The following GLIS3 variants were observed in gnomAD, a reference collection of about 807,000 sequenced individuals.
GLIS3 encodes the protein zinc finger protein GLIS3.
A neutral mutation model predicts 78.6 loss-of-function variants in GLIS3; 53 were observed. That is an observed-to-expected ratio of 0.67 (90% CI 0.54 to 0.85). The LOEUF (loss-of-function observed/expected upper bound fraction) is 0.85. Among genes scored for constraint, GLIS3 ranks in the 40% least tolerant of loss-of-function variants. The probability of loss-of-function intolerance (pLI) is 0.00; values close to 1 mark genes in which losing one functional copy is unlikely to be tolerated. For missense variants in GLIS3, 1,703 were observed against 1,231.1 expected (o/e 1.38, Z -5.74); for synonymous variants, 684 against 509.9 (o/e 1.34, Z -4.60).
chr9:4,216,509 A>AAAAGT (rs1238720158), intron 2 of GLIS3, among the ~76,000 whole-genome samples: 1 of 149,430 alleles, frequency 6.7e-6, no homozygotes, highest in East Asian at 1.9e-4. Flanking sequence ...AAAAGAAAAG[A>AAAAGT]AAAAGAAAAA....
chr9:4,369,628 C>T, the GLIS3 span, among the ~76,000 whole-genome samples: 2 of 152,058 alleles, frequency 1.3e-5, no homozygotes, highest in Non-Finnish European at 2.9e-5. Flanking sequence ...AGCAGTTATC[C>T]CTCTTAGCCC....
intron 2 of GLIS3, chr9:4,144,689 G>A (rs1008118793): frequency 6.6e-6 from 1 of 152,060 alleles, no homozygotes; most frequent in African/African-American, 2.4e-5. Flanking sequence ...CATGAGTAGG[G>A]GCAAGAAACC....
At chr9:4,391,542 C>G in the GLIS3 span, among the ~76,000 whole-genome samples, 2 of 144,220 alleles carry the variant, frequency 1.4e-5, no homozygotes, top group Non-Finnish European at 3.0e-5. Flanking sequence ...TTATTCCATT[C>G]TAAGAGGGGT....
intron 1 of GLIS3, among the ~76,000 whole-genome samples, chr9:4,291,692 C>A (rs1217768655): frequency 6.6e-6 from 1 of 152,070 alleles, no homozygotes; most frequent in East Asian, 1.9e-4. Context: ...ATTTAAAAAT[C>A]AGAAGCAGCA....
At chr9:4,268,558 T>C (rs1042163000) in intron 2 of GLIS3, among the ~76,000 whole-genome samples, 1 of 152,168 alleles carries the variant, frequency 6.6e-6, no homozygotes, top group Non-Finnish European at 1.5e-5. Flanking sequence ...TAGACCTAAG[T>C]AGTCCCATCA....
intron 4 of GLIS3, among the ~76,000 whole-genome samples, chr9:3,979,329 T>A (rs1819047517): frequency 6.6e-6 from 1 of 152,200 alleles, no homozygotes; most frequent in African/African-American, 2.4e-5. Context: ...ACTGTTCTGG[T>A]CAACCTTCAG....
intron 2 of GLIS3, among the ~76,000 whole-genome samples, chr9:4,270,821 C>T (rs1053038693): frequency 6.6e-6 from 1 of 152,110 alleles, no homozygotes; most frequent in Non-Finnish European, 1.5e-5. Flanking sequence ...GATGGTAAGA[C>T]TTCTCAGCCT....
intron 2 of GLIS3, among the ~76,000 whole-genome samples, chr9:4,314,278 C>A (rs1207766264): frequency 1.3e-5 from 2 of 152,316 alleles, no homozygotes; most frequent in Non-Finnish European, 2.9e-5. Flanking sequence ...GAATTAGAAT[C>A]AAGAACCCTT....
chr9:4,079,440 C>T (rs901860654), intron 4 of GLIS3, among the ~76,000 whole-genome samples: 1 of 152,120 alleles, frequency 6.6e-6, no homozygotes, highest in Non-Finnish European at 1.5e-5. Flanking sequence ...AAAAAGGGAG[C>T]CCACCACCTG....
intron 8 of GLIS3, among the ~76,000 whole-genome samples, chr9:3,856,847 A>G (rs1318348851): frequency 6.6e-6 from 1 of 152,172 alleles, no homozygotes; most frequent in Admixed American, 6.5e-5. Flanking sequence ...ACATGCGCCA[A>G]TCACAGTAAG....
At chr9:4,105,763 C>G (rs2130819840) in intron 4 of GLIS3, among the ~76,000 whole-genome samples, 1 of 152,254 alleles carries the variant, frequency 6.6e-6, no homozygotes, top group Middle Eastern at 3.4e-3. Context: ...TTATACAGCT[C>G]TGTTCTTGAC....
In GLIS3 at chr9:4,013,101, G is replaced by A. The variant is rs551301647; in HGVS notation, c.1711-75912C>T. Among the ~76,000 whole-genome samples the A allele has an allele frequency of 2.0e-5, 3 of 152,038 alleles. No individual in the cohort carries two copies. The South Asian group carries it at 6.3e-4, about 32-fold the overall frequency. On this transcript the variant is annotated intron_variant, in intron 4 of 10. Coordinates refer to ENST00000381971, the MANE Select transcript of GLIS3 (RefSeq NM_001042413.2). ...TAGAGCAAAAATGTGGTATCCTTTG[G>A]GCATCTTCAGCTCTCTGTGACAGTG... is the stretch of plus-strand genomic sequence containing the variant.
At chr9:4,147,161 G>A (rs144699738) in intron 2 of GLIS3, 64 of 152,188 alleles carry the variant, frequency 4.2e-4, no homozygotes, top group African/African-American at 9.4e-4. Flanking sequence ...AAAGTTCAAC[G>A]TCATACTATA....
chr9:4,269,842 CAA>C lies in GLIS3; in HGVS notation c.388+16194_388+16195del, dbSNP rs1341644762. Among the ~76,000 whole-genome samples the C allele has an allele frequency of 3.9e-5, 6 of 152,182 alleles. No homozygotes were observed. The East Asian group carries it at 1.2e-3, about 29-fold the overall frequency. The stretch of plus-strand genomic sequence containing the variant: ...CGGAGGGCAGGACGGGAGAAACAAA[CAA>C]ATATCTGGTGGGGACACACAACAAG... On this transcript the variant is annotated intron_variant, in intron 2 of 10. Transcript: ENST00000381971.
intron 2 of GLIS3, among the ~76,000 whole-genome samples, chr9:4,186,858 T>A (rs1817846300): frequency 6.6e-6 from 1 of 152,206 alleles, no homozygotes; most frequent in Non-Finnish European, 1.5e-5. Context: ...TTTTTTCTTG[T>A]AAATTTGTTT....
Position 3,826,529 on chromosome 9 carries a change from A to G in GLIS3, c.*1743T>C, listed in dbSNP as rs564687485. 1 of 152,354 alleles carries G rather than the reference A, an allele frequency of 6.6e-6. No individual in the cohort carries two copies. The highest frequency in any genetic ancestry group is 1.9e-4 in the East Asian group (1 of 5,186). 9.4% of individuals were successfully genotyped at this position (152,354 alleles called of 1,614,324 possible). On this transcript the variant is annotated 3_prime_UTR_variant, in exon 11 of 11. Transcript: ENST00000381971. ...TGACGTCTACGTGAAAGCTTTTCTT[A>G]GAATACAGCCCACTACTCAGAGAAA...
chr9:4,033,823 C>A (rs146266454), intron 4 of GLIS3, among the ~76,000 whole-genome samples: 1 of 102,552 alleles, frequency 9.8e-6, no homozygotes, highest in African/African-American at 3.9e-5. Flanking sequence ...CATGGCAACA[C>A]AAGGATTTGT....
intron 2 of GLIS3, among the ~76,000 whole-genome samples, chr9:4,247,701 T>G (rs1481799925): frequency 2.6e-5 from 4 of 152,172 alleles, no homozygotes; most frequent in Non-Finnish European, 5.9e-5. Flanking sequence ...ACAGAGCTAT[T>G]ATTACTTGTA....
intron 2 of GLIS3, among the ~76,000 whole-genome samples, chr9:4,284,010 G>C (rs1827777773): frequency 6.6e-6 from 1 of 152,206 alleles, no homozygotes; most frequent in Non-Finnish European, 1.5e-5. Context: ...ACTTCTGACA[G>C]GCATTTCAAG....
Sources: gnomAD v4.1 joint callset for allele counts (sites outside exome capture counted in the v4.1 genomes callset) on GRCh38, gnomAD v4.1.1 for gene constraint, MANE v1.5 for transcripts, NCBI Gene and HGNC (gene_info 2026-07-23, HGNC 2026-07-21) for gene names.